The following MTARC2 variants were observed in gnomAD, a reference collection of about 807,000 sequenced individuals.
MTARC2 encodes the protein MOCO sulphurase C-terminal domain containing 2.
MTARC2 carries 27 observed loss-of-function variants against 35.6 expected under a neutral mutation model. That is an observed-to-expected ratio of 0.76 (90% CI 0.56 to 1.04). The LOEUF is 1.04. Ranked by LOEUF, MTARC2 falls within the 50% of genes least tolerant of loss-of-function variation. The probability of loss-of-function intolerance (pLI) is 0.00; values close to 1 mark genes in which losing one functional copy is unlikely to be tolerated. For missense variants in MTARC2, 412 were observed against 432.5 expected (o/e 0.95, Z 0.42); for synonymous variants, 158 against 167.1 (o/e 0.95, Z 0.42).
At chr1:220,763,640 G>GAT (rs141445083) in intron 4 of MTARC2, among the ~76,000 whole-genome samples, 2,052 of 152,042 alleles carry the variant, frequency 0.013, 32 homozygotes, top group East Asian at 0.06. Flanking sequence ...CTCTGTATGT[G>GAT]ATATATATAT....
chr1:220,782,033 A>C, intron 7 of MTARC2, 101 bp downstream of exon 7: 1 of 1,039,520 alleles, frequency 9.6e-7, no homozygotes, highest in South Asian at 2.0e-5. Context: ...TTCTTGAGAG[A>C]ATGAACAGTT....
intron 4 of MTARC2, among the ~76,000 whole-genome samples, chr1:220,772,782 G>T (rs1671780505): frequency 6.6e-6 from 1 of 152,090 alleles, no homozygotes; most frequent in African/African-American, 2.4e-5. Context: ...GGGAACCATG[G>T]CATGGTCTTT....
chr1:220,761,532 C>A, intron 2 of MTARC2, 126 bp from the exon 3 acceptor site: 1 of 871,276 alleles, frequency 1.1e-6, no homozygotes, highest in Non-Finnish European at 1.7e-6. Flanking sequence ...CCAGCTTTGA[C>A]CCAGGGACCA....
chr1:220,776,453 T>C (rs893997269), intron 4 of MTARC2, among the ~76,000 whole-genome samples: 32 of 152,152 alleles, frequency 2.1e-4, no homozygotes, highest in African/African-American at 7.7e-4. Context: ...TTATTTTAAA[T>C]AACTGAATTA....
rs1672149421 is a variant in MTARC2, at chr1:220,783,983, C to T, written c.*96C>T. ...CAGCAGCAACGATACATCAGCAAAT[C>T]CTTATTATCCAGCCTTCAACTATCT... On this transcript the variant is annotated 3_prime_UTR_variant, in exon 8 of 8. Transcript: ENST00000366913. 2.8e-6 allele frequency: 2 copies of T among 717,166 alleles called. No individual in the cohort carries two copies. The highest frequency in any genetic ancestry group is 5.2e-6 in the Non-Finnish European group (2 of 384,952). The allele number at this position is 717,166 out of a possible 1,614,324, so 44.4% of individuals were successfully genotyped here.
intron 1 of MTARC2, among the ~76,000 whole-genome samples, chr1:220,749,674 A>C (rs1572288601): frequency 6.6e-6 from 1 of 151,888 alleles, no homozygotes; most frequent in African/African-American, 2.4e-5. Context: ...CAGGGAATCC[A>C]CCAGCCTCGG....
At chr1:220,773,885 G>C (rs1671815142) in intron 4 of MTARC2, among the ~76,000 whole-genome samples, 1 of 151,622 alleles carries the variant, frequency 6.6e-6, no homozygotes, top group African/African-American at 2.4e-5. Context: ...GAGCCTTCCA[G>C]ATTTATTGCT....
rs1434494877 is a variant in MTARC2 at position 220,748,590 on chromosome 1, C to A, written c.59C>A (p.Pro20His). 1.8e-5 allele frequency: 26 copies of A among 1,458,576 alleles called. No homozygotes were observed. The highest frequency in any genetic ancestry group is 2.2e-5 in the Non-Finnish European group (24 of 1,114,874). 90.4% of individuals were successfully genotyped at this position (1,458,576 alleles called of 1,614,324 possible). A position where few individuals can be genotyped will look rare whatever the true frequency, so the allele number is the denominator to read the frequency against. ...CTCGGCCTCCCAGCCCGGCCCTGGC[C>A]CAGGTGGCTCGGGGTCGCCGCGCTA... ...ARLGLPARPW[P>H]RWLGVAALGL... Residue 20 changes from proline (P) to histidine (H), a missense_variant, in exon 1 of 8, where the codon CCC becomes CAC. Physicochemically the swap from Pro to His is moderately conservative, Grantham distance 77 (BLOSUM62 -2). Coordinates refer to ENST00000366913, the MANE Select transcript of MTARC2 (RefSeq NM_017898.5).
At chr1:220,773,962 T>C (rs577076063) in intron 4 of MTARC2, among the ~76,000 whole-genome samples, 2 of 147,862 alleles carry the variant, frequency 1.4e-5, no homozygotes, top group Admixed American at 1.3e-4. Flanking sequence ...CTATTATATA[T>C]AAACACACAC....
intron 3 of MTARC2, 151 bp from the exon 4 acceptor site, chr1:220,762,759 G>C (rs1671472846): frequency 1.2e-6 from 1 of 824,420 alleles, no homozygotes; most frequent in Non-Finnish European, 1.9e-6. Flanking sequence ...CCTGGCCACT[G>C]CAAGCCCAAA....
chr1:220,771,667 CTT>C (rs1035483236), intron 4 of MTARC2, among the ~76,000 whole-genome samples: 9 of 151,870 alleles, frequency 5.9e-5, no homozygotes, highest in African/African-American at 1.9e-4. Flanking sequence ...AACTCATACT[CTT>C]TGCACAGCTT....
chr1:220,760,722 C>T (rs1450071071), intron 2 of MTARC2, among the ~76,000 whole-genome samples: 3 of 152,064 alleles, frequency 2.0e-5, no homozygotes, highest in Admixed American at 6.5e-5. Flanking sequence ...CACTTGAAAG[C>T]TTAAGAAACA....
chr1:220,753,061 A>AG (rs1671169369), intron 1 of MTARC2, among the ~76,000 whole-genome samples: 1 of 149,006 alleles, frequency 6.7e-6, no homozygotes, highest in African/African-American at 2.5e-5. Flanking sequence ...AAAAAAAAAA[A>AG]AAAAAAAATA....
At chr1:220,778,262 AAAAAAAG>A (rs1219976614) in intron 4 of MTARC2, among the ~76,000 whole-genome samples, 1 of 143,180 alleles carries the variant, frequency 7.0e-6, no homozygotes, top group African/African-American at 2.7e-5. Flanking sequence ...AAAAAAAAAA[AAAAAAAG>A]AAAGAAAGAA....
intron 2 of MTARC2, among the ~76,000 whole-genome samples, chr1:220,758,239 T>C (rs1671336438): frequency 6.6e-6 from 1 of 152,076 alleles, no homozygotes; most frequent in African/African-American, 2.4e-5. Flanking sequence ...CGCCTCGGCT[T>C]CCCAAAGTGC....
intron 1 of MTARC2, among the ~76,000 whole-genome samples, chr1:220,750,167 G>A (rs1671091858): frequency 2.6e-5 from 4 of 152,138 alleles, no homozygotes; most frequent in Admixed American, 2.6e-4. Context: ...GATTTTATCC[G>A]AGACCATGAA....
At chr1:220,780,666 G>T (rs1025133099) in intron 6 of MTARC2, among the ~76,000 whole-genome samples, 1 of 152,050 alleles carries the variant, frequency 6.6e-6, no homozygotes. Flanking sequence ...GGCCAGGCTG[G>T]TCTCAAACTC....
intron 2 of MTARC2, chr1:220,756,473 C>T (rs188893741): frequency 2.6e-4 from 40 of 152,330 alleles, no homozygotes; most frequent in Admixed American, 1.6e-3. Context: ...ACTTTACAAA[C>T]GAGGAAACCA....
chr1:220,748,818 G>C lies in MTARC2; in HGVS notation c.272+15G>C, dbSNP rs745580621. ...CTGCGGGACAGGTACAGCACAGCGC[G>C]GGCGCGGGGCAGCGCGGAGCCTGCC... is the stretch of plus-strand genomic sequence containing the variant. On this transcript the variant is annotated intron_variant, in intron 1 of 7. Coordinates refer to ENST00000366913, the MANE Select transcript of MTARC2 (RefSeq NM_017898.5). 15 of 1,567,082 alleles carry C rather than the reference G, an allele frequency of 9.6e-6. No homozygotes were observed. Among genetic ancestry groups the C allele is most frequent in the Non-Finnish European group, 1.3e-5 (15 of 1,158,680 alleles).
Sources: gnomAD v4.1 joint callset for allele counts (sites outside exome capture counted in the v4.1 genomes callset) on GRCh38, gnomAD v4.1.1 for gene constraint, MANE v1.5 for transcripts, NCBI Gene and HGNC (gene_info 2026-07-23, HGNC 2026-07-21) for gene names.